DYNLRB1: variants seen among roughly 807,000 people sequenced by gnomAD.
DYNLRB1 encodes ROBL/LC7-like 1.
Under a neutral mutation model 13.5 loss-of-function variants are expected in DYNLRB1, and 6 were observed. The ratio of observed to expected loss-of-function variants is 0.44; its 90% confidence interval spans 0.24 to 0.88. DYNLRB1 has a LOEUF of 0.88. Ranked by LOEUF, DYNLRB1 falls within the 40% of genes least tolerant of loss-of-function variation. The pLI, the probability that DYNLRB1 is intolerant of heterozygous loss-of-function variation, is 0.21. For missense variants in DYNLRB1, 93 were observed against 127.2 expected (o/e 0.73, Z 1.29); for synonymous variants, 43 against 45.0 (o/e 0.96, Z 0.18).
chr20:34,534,536 T>C (rs972802946), intron 2 of DYNLRB1, 92 bp from the exon 3 acceptor site: 1 of 1,447,766 alleles, frequency 6.9e-7, no homozygotes, highest in Non-Finnish European at 9.3e-7. Context: ...GACTGAGAAC[T>C]GCTATTCCAG....
At chr20:34,533,168 C>T (rs766198517) in intron 2 of DYNLRB1, among the ~76,000 whole-genome samples, 5 of 152,312 alleles carry the variant, frequency 3.3e-5, no homozygotes, top group Non-Finnish European at 7.3e-5. Flanking sequence ...AATAAGTCCA[C>T]TTAATGGTTC....
At chr20:34,532,941 G>A (rs892466665) in intron 2 of DYNLRB1, among the ~76,000 whole-genome samples, 15 of 152,330 alleles carry the variant, frequency 9.8e-5, no homozygotes, top group African/African-American at 3.6e-4. Context: ...GATGAGCAGG[G>A]TCCTGGGCCC....
At chr20:34,528,814 A>G (rs1034546477) in intron 2 of DYNLRB1, among the ~76,000 whole-genome samples, 1 of 152,004 alleles carries the variant, frequency 6.6e-6, no homozygotes, top group Non-Finnish European at 1.5e-5. Context: ...TCCACACAAA[A>G]AAAAGAAAAA....
chr20:34,516,716 T>TGATGGGCGAGG, intron 1 of DYNLRB1: 1 of 1,534,644 alleles, frequency 6.5e-7, no homozygotes, highest in Non-Finnish European at 8.8e-7. Flanking sequence ...CAGGAAGAGA[T>TGATGGGCGAGG]GATGGGCGAG....
chr20:34,519,436 C>G lies in DYNLRB1; in HGVS notation c.3+2975C>G, dbSNP rs118056927. ...TACTTTAAGGCTGAAGTGGAGAGAT[C>G]GCCTGAGCCCAGGAGGTCAAGGCTA... On this transcript the variant is annotated intron_variant, in intron 1 of 3. Transcript: ENST00000357156. 6.2e-3 allele frequency among the ~76,000 whole-genome samples: 949 copies of G among 152,154 alleles called. 9 individuals carry two copies. The highest frequency in any genetic ancestry group is 0.011 in the Non-Finnish European group (721 of 67,996).
chr20:34,526,993 T>C (rs1247798116), intron 2 of DYNLRB1, among the ~76,000 whole-genome samples: 1 of 152,178 alleles, frequency 6.6e-6, no homozygotes, highest in Non-Finnish European at 1.5e-5. Context: ...GGTAGAAGTG[T>C]ACAGATACTA....
chr20:34,537,159 A>C (rs899034404), intron 3 of DYNLRB1, among the ~76,000 whole-genome samples: 1 of 152,172 alleles, frequency 6.6e-6, no homozygotes, highest in Admixed American at 6.5e-5. Context: ...TGAGGTGGCC[A>C]GTCCCTCACC....
At chr20:34,523,009 A>T (rs1421262437) in intron 1 of DYNLRB1, among the ~76,000 whole-genome samples, 1 of 152,150 alleles carries the variant, frequency 6.6e-6, no homozygotes, top group Non-Finnish European at 1.5e-5. Context: ...TGGTTTCCTG[A>T]TTCCAGGGTG....
intron 1 of DYNLRB1, among the ~76,000 whole-genome samples, chr20:34,524,537 G>T (rs757603688): frequency 6.6e-6 from 1 of 152,276 alleles, no homozygotes; most frequent in African/African-American, 2.4e-5. Context: ...GTCCAGCAGT[G>T]ACCACTATTG....
chr20:34,534,784 T>G lies in DYNLRB1; in HGVS notation c.236T>G (p.Met79Arg), dbSNP rs1981006635. ...LRIRSKKNEI[M>R]VAPDKDYFLI... ...ATTCGCTCCAAGAAAAATGAAATTA[T>G]GGTTGCACCAGGTAAGGGGTCTTCT... The change falls in exon 3 of 4, where the codon ATG (methionine) becomes AGG (arginine). Residue 79 changes from methionine (M) to arginine (R), a missense_variant. Met to Arg is a moderately conservative substitution (Grantham distance 91). Coordinates refer to ENST00000357156, the MANE Select transcript of DYNLRB1 (RefSeq NM_014183.4). The G allele has an allele frequency of 6.2e-7, 1 of 1,613,966 alleles. No homozygotes were observed. Among genetic ancestry groups the G allele is most frequent in the Non-Finnish European group, 8.5e-7 (1 of 1,180,044 alleles).
At chr20:34,526,203 C>G in intron 1 of DYNLRB1, 65 bp from the exon 2 acceptor site, 1 of 1,551,160 alleles carries the variant, frequency 6.4e-7, no homozygotes, top group Non-Finnish European at 8.9e-7. Flanking sequence ...ATTCATCTGC[C>G]TGGGGTATGA....
rs1180326831 is a variant in DYNLRB1 at position 34,540,736 on chromosome 20, C to A, written c.*112C>A. On this transcript the variant is annotated 3_prime_UTR_variant, in exon 4 of 4. Coordinates refer to ENST00000357156, the MANE Select transcript of DYNLRB1 (RefSeq NM_014183.4). ...GCAGTCGCTTGGAACCCACTCACAC[C>A]AATCCAGTGACCGTGTGTGGGCTGG... The A allele has an allele frequency of 2.7e-6, 3 of 1,110,078 alleles. No homozygotes were observed. Among genetic ancestry groups the A allele is most frequent in the Admixed American group, 4.4e-5 (2 of 45,584 alleles). The allele number at this position is 1,110,078 out of a possible 1,614,324, so 68.8% of individuals were successfully genotyped here. A position where few individuals can be genotyped will look rare whatever the true frequency, so the allele number is the denominator to read the frequency against.
chr20:34,530,173 A>T (rs1980602985), intron 2 of DYNLRB1: 2 of 1,181,354 alleles, frequency 1.7e-6, no homozygotes, highest in Non-Finnish European at 2.1e-6. Flanking sequence ...CTTGCCTTAA[A>T]ACTGCCCCTA....
chr20:34,515,779 C>A (rs1441631853), upstream of DYNLRB1, among the ~76,000 whole-genome samples: 1 of 152,174 alleles, frequency 6.6e-6, no homozygotes, highest in African/African-American at 2.4e-5. Flanking sequence ...CCTCCCACCA[C>A]GCTCCACTCA....
chr20:34,531,947 A>T (rs1421883677), intron 2 of DYNLRB1, among the ~76,000 whole-genome samples: 1 of 152,174 alleles, frequency 6.6e-6, no homozygotes, highest in African/African-American at 2.4e-5. Flanking sequence ...TAAAAAGAGA[A>T]GGTTAGGGGT....
chr20:34,530,193 C>T (rs1980604959), intron 2 of DYNLRB1: 3 of 1,154,916 alleles, frequency 2.6e-6, no homozygotes, highest in Admixed American at 4.7e-5. Context: ...AAAGCCAAGC[C>T]TTTTCACTGG....
At chr20:34,516,551 TC>T (rs1979201559) in intron 1 of DYNLRB1, 90 bp downstream of exon 1, 1 of 1,581,562 alleles carries the variant, frequency 6.3e-7, no homozygotes, top group Admixed American at 1.7e-5. Flanking sequence ...ATCTCAGAGC[TC>T]CGGACAGGGA....
At chr20:34,534,995 A>AG (rs1981030258) in intron 3 of DYNLRB1, 200 bp downstream of exon 3, 2 of 1,426,458 alleles carry the variant, frequency 1.4e-6, no homozygotes, top group Non-Finnish European at 1.8e-6. Context: ...CCGGCCCCAG[A>AG]GGGTAACCCC....
At chr20:34,529,690 C>T (rs1184769675) in intron 2 of DYNLRB1, among the ~76,000 whole-genome samples, 1 of 151,232 alleles carries the variant, frequency 6.6e-6, no homozygotes, top group Non-Finnish European at 1.5e-5. Context: ...GATCACACCA[C>T]TGCACTCCAG....
Sources: gnomAD v4.1 joint callset for allele counts (sites outside exome capture counted in the v4.1 genomes callset) on GRCh38, gnomAD v4.1.1 for gene constraint, MANE v1.5 for transcripts, NCBI Gene and HGNC (gene_info 2026-07-23, HGNC 2026-07-21) for gene names.